The following PXK variants were observed in gnomAD, a reference collection of about 807,000 sequenced individuals.
PXK encodes the protein PX domain-containing protein kinase-like protein.
PXK carries 35 observed loss-of-function variants against 84.7 expected under a neutral mutation model. The ratio of observed to expected loss-of-function variants is 0.41; its 90% CI spans 0.32 to 0.55. PXK has a LOEUF of 0.55. PXK is among the 20% of genes least tolerant of loss of function. The pLI is 0.21. For missense variants in PXK, 634 were observed against 699.7 expected (o/e 0.91, Z 1.06); for synonymous variants, 253 against 260.8 (o/e 0.97, Z 0.29).
rs192783210 is a variant in PXK at position 58,361,654 on chromosome 3, C to A, written c.103-4220C>A. Among the ~76,000 whole-genome samples the A allele has an allele frequency of 5.3e-5, 8 of 152,258 alleles. No individual in the cohort carries two copies. In the East Asian group the frequency reaches 1.5e-3, roughly 29 times the overall value. ...CCACTCAGCATGATTCTCTGGAGAT[C>A]CATCCAAGTTATTGTGTATATTAAT... On this transcript the variant is annotated intron_variant, in intron 1 of 17. Transcript: ENST00000356151.
chr3:58,396,266 T>C (rs1249952756), intron 9 of PXK, among the ~76,000 whole-genome samples: 2 of 152,208 alleles, frequency 1.3e-5, no homozygotes, highest in African/African-American at 4.8e-5. Context: ...CACATACATA[T>C]ATGTGTATGT....
chr3:58,375,938 T>C (rs1328671357), intron 3 of PXK, among the ~76,000 whole-genome samples: 1 of 141,412 alleles, frequency 7.1e-6, no homozygotes, highest in Non-Finnish European at 1.6e-5. Flanking sequence ...AGTGCAAAAA[T>C]ACACCAAGTT....
chr3:58,381,508 G>A (rs1190142099), intron 3 of PXK, among the ~76,000 whole-genome samples: 2 of 140,040 alleles, frequency 1.4e-5, no homozygotes, highest in Non-Finnish European at 3.0e-5. Context: ...GTATCTGAAT[G>A]TGTTGAGAGA....
rs991984317 is a variant in PXK at position 58,364,104 on chromosome 3, A to G, written c.103-1770A>G. On this transcript the variant is annotated intron_variant, in intron 1 of 17. Transcript: ENST00000356151. This position sits in a 1 kb window ranked among gnomAD's most constrained non-coding sequence, Gnocchi z 4.3. ...AATGAGACCCACTTGGTCATGGTAT[A>G]TAATTCTTTTTATAAATTGCTGAAT... 1.3e-5 allele frequency among the ~76,000 whole-genome samples: 2 copies of G among 152,190 alleles called. No homozygotes were observed. Among genetic ancestry groups the G allele is most frequent in the African/African-American group, 4.8e-5 (2 of 41,446 alleles).
chr3:58,406,236 G>T (rs2059387086), intron 13 of PXK, among the ~76,000 whole-genome samples: 1 of 151,870 alleles, frequency 6.6e-6, no homozygotes, highest in African/African-American at 2.4e-5. Flanking sequence ...TGGGATTACA[G>T]GTGTGAGCCA....
At chr3:58,415,818 G>T (rs933718083) in intron 17 of PXK, among the ~76,000 whole-genome samples, 3 of 152,190 alleles carry the variant, frequency 2.0e-5, no homozygotes, top group African/African-American at 7.2e-5. Context: ...TAACGGTGGG[G>T]TAAATTTCAG....
rs377500415 is a variant in PXK, at chr3:58,425,003, C to T, written c.*43C>T. 1.8e-5 allele frequency: 29 copies of T among 1,601,780 alleles called. No individual in the cohort carries two copies. Among genetic ancestry groups the T allele is most frequent in the Non-Finnish European group, 2.5e-5 (29 of 1,173,866 alleles). On this transcript the variant is annotated 3_prime_UTR_variant, in exon 18 of 18. Transcript: ENST00000356151. Reference sequence around the variant, plus strand: ...TGGAGGGAAAAGTTCTTTTTTATTCCTACTCACCCCTACCCCCCAAACTAC... The same window carrying T: ...TGGAGGGAAAAGTTCTTTTTTATTCTTACTCACCCCTACCCCCCAAACTAC...
chr3:58,365,885 T>C lies in PXK; in HGVS notation c.114T>C (p.Ile38=). The change falls in exon 2 of 18, where the codon ATT becomes ATC. Residue 38 remains isoleucine (I), a synonymous_variant. Transcript: ENST00000356151. ...CTTCTCTTTTTAAGGAATATATTAT[T>C]CGAGTGCAAAGAGGAATTTCTGTGG... The part of the protein sequence containing the change: ...QSLQSHTEYI[I]RVQRGISVEN... 1 of 1,582,830 alleles carries C rather than the reference T, an allele frequency of 6.3e-7. No homozygotes were observed. Among genetic ancestry groups the C allele is most frequent in the Non-Finnish European group, 8.6e-7 (1 of 1,168,388 alleles).
intron 1 of PXK, among the ~76,000 whole-genome samples, chr3:58,357,016 C>T (rs1282084748): frequency 6.6e-6 from 1 of 151,170 alleles, no homozygotes. Flanking sequence ...CGCGGTGGCT[C>T]ACACCTGTAA....
chr3:58,367,730 T>C (rs1443363968), intron 2 of PXK, among the ~76,000 whole-genome samples: 1 of 152,270 alleles, frequency 6.6e-6, no homozygotes, highest in African/African-American at 2.4e-5. Context: ...TGGCCCAGAC[T>C]GGAGTGCAGT....
intron 1 of PXK, among the ~76,000 whole-genome samples, chr3:58,339,611 A>T (rs73835177): frequency 0.046 from 6,950 of 152,068 alleles, 552 homozygotes; most frequent in African/African-American, 0.16. Context: ...GGACTATCCC[A>T]TGAGAAAGAT....
intron 1 of PXK, among the ~76,000 whole-genome samples, chr3:58,357,116 T>C (rs1432056041): frequency 6.6e-6 from 1 of 151,064 alleles, no homozygotes; most frequent in Non-Finnish European, 1.5e-5. Context: ...CCGTCTCTAC[T>C]AAAAATACAA....
intron 2 of PXK, among the ~76,000 whole-genome samples, chr3:58,366,256 T>A (rs971310803): frequency 1.3e-5 from 2 of 152,170 alleles, no homozygotes; most frequent in Non-Finnish European, 2.9e-5. Flanking sequence ...TGGTTTGAGT[T>A]CAGTCTACCA....
At chr3:58,406,851 G>T (rs1332419062) in intron 13 of PXK, among the ~76,000 whole-genome samples, 1 of 152,102 alleles carries the variant, frequency 6.6e-6, no homozygotes, top group Non-Finnish European at 1.5e-5. Context: ...TTAGCATAAT[G>T]TCCTCAAGGT....
intron 1 of PXK, among the ~76,000 whole-genome samples, chr3:58,335,260 AC>A (rs2097573898): frequency 6.6e-6 from 1 of 152,138 alleles, no homozygotes; most frequent in Non-Finnish European, 1.5e-5. Flanking sequence ...AAAGACAGTG[AC>A]TCACAGGAGA....
rs2098360190 is a variant in PXK at position 58,370,923 on chromosome 3, A to G, written c.201+1445A>G. 6.6e-6 allele frequency among the ~76,000 whole-genome samples: 1 copy of G among 152,192 alleles called. No individual in the cohort carries two copies. The highest frequency in any genetic ancestry group is 1.5e-5 in the Non-Finnish European group (1 of 68,026). Reference sequence around the variant, plus strand: ...TGAGGCAGGAGAACCGCCTGAACCCAGGAGGGGGAGGTTGCAGTGAGCCAA... The same window carrying G: ...TGAGGCAGGAGAACCGCCTGAACCCGGGAGGGGGAGGTTGCAGTGAGCCAA... On this transcript the variant is annotated intron_variant, in intron 3 of 17. Transcript: ENST00000356151. This position sits in a 1 kb window ranked among gnomAD's most constrained non-coding sequence, Gnocchi z 4.2.
In PXK at chr3:58,386,290, C is replaced by CTTTTTTTTTTTTTTTTTTT. The variant is rs752411806; in HGVS notation, c.388+3595_388+3613dup. 5.7e-4 allele frequency among the ~76,000 whole-genome samples: 47 copies of CTTTTTTTTTTTTTTTTTTT among 82,264 alleles called. 4 individuals are homozygous for CTTTTTTTTTTTTTTTTTTT. The highest frequency in any genetic ancestry group is 8.3e-4 in the African/African-American group (17 of 20,524). 54.0% of individuals were successfully genotyped at this position (82,264 alleles called of 152,430 possible). A position where few individuals can be genotyped will look rare whatever the true frequency, so the allele number is the denominator to read the frequency against. ...CTATCTCACACATATATCCCCCTTA[C>CTTTTTTTTTTTTTTTTTTT]TTTTTTTTTTTTTTTTTTTTTTTGA... On this transcript the variant is annotated intron_variant, in intron 4 of 17. Transcript: ENST00000356151.
chr3:58,399,394 CG>C lies in PXK; in HGVS notation c.1181+18del, dbSNP rs769009831. 1.9e-6 allele frequency: 3 copies of C among 1,599,974 alleles called. No homozygotes were observed. The highest frequency in any genetic ancestry group is 2.6e-6 in the Non-Finnish European group (3 of 1,167,390). ...ACAGATGCCGTAAGTCAATCATATG[CG>C]TTGGTTGTAATCTTGATAACTATGT... is the stretch of plus-strand genomic sequence containing the variant. On this transcript the variant is annotated intron_variant, in intron 12 of 17. Transcript: ENST00000356151. This position sits in a 1 kb window ranked among gnomAD's most constrained non-coding sequence, Gnocchi z 4.3.
In PXK at chr3:58,376,619, A is replaced by G. The variant is rs894895145; in HGVS notation, c.202-5895A>G. Among the ~76,000 whole-genome samples, 9 of 151,720 alleles carry G rather than the reference A, an allele frequency of 5.9e-5. No individual in the cohort carries two copies. In the East Asian group the frequency reaches 1.5e-3, roughly 26 times the overall value. The stretch of plus-strand genomic sequence containing the variant: ...ACATCAGTTGTGTTTTAGGTAATAT[A>G]TTACCCTTTATTATTTATTTATTTA... On this transcript the variant is annotated intron_variant, in intron 3 of 17. Coordinates refer to ENST00000356151, the MANE Select transcript of PXK (RefSeq NM_017771.5).
Sources: allele counts gnomAD v4.1 joint callset (sites outside exome capture counted in the v4.1 genomes callset), GRCh38; gene constraint gnomAD v4.1.1; non-coding constraint Gnocchi (gnomAD v3.1); transcripts MANE v1.5; gene names NCBI Gene and HGNC (gene_info 2026-07-23, HGNC 2026-07-21).